Variants in CLIC4 observed in about 807,000 individuals in gnomAD.
CLIC4 encodes chloride intracellular channel protein 4.
A neutral mutation model predicts 24.6 loss-of-function variants in CLIC4; 13 were observed. That is an observed-to-expected ratio of 0.53 (90% confidence interval 0.34 to 0.84). CLIC4 has a LOEUF of 0.84. Ranked by LOEUF, CLIC4 falls within the 40% of genes least tolerant of loss-of-function variation. The pLI, the probability that CLIC4 is intolerant of heterozygous loss-of-function variation, is 0.01. For missense variants in CLIC4, 227 were observed against 301.7 expected (o/e 0.75, Z 1.83); for synonymous variants, 104 against 111.3 (o/e 0.93, Z 0.41).
intron 1 of CLIC4, among the ~76,000 whole-genome samples, chr1:24,756,915 G>A (rs1011939042): frequency 1.4e-5 from 2 of 146,640 alleles, no homozygotes; most frequent in African/African-American, 5.1e-5. Context: ...TTTTTTTTGA[G>A]ACGGAGTTTC....
chr1:24,779,145 T>TA, intron 1 of CLIC4, among the ~76,000 whole-genome samples: 1 of 152,132 alleles, frequency 6.6e-6, no homozygotes. Flanking sequence ...ATGCTTGTTA[T>TA]AAAAAGACAA....
At chr1:24,746,428 C>A (rs1009648638) in intron 1 of CLIC4, among the ~76,000 whole-genome samples, 3 of 152,182 alleles carry the variant, frequency 2.0e-5, no homozygotes, top group Non-Finnish European at 4.4e-5. Context: ...CTTCAGCTTT[C>A]ATGTGTGGAA....
intron 3 of CLIC4, among the ~76,000 whole-genome samples, chr1:24,818,272 A>G (rs1639690768): frequency 6.6e-6 from 1 of 151,898 alleles, no homozygotes; most frequent in South Asian, 2.1e-4. Context: ...AAGTTACTCA[A>G]TTTGGTTTTT....
At chr1:24,814,377 C>T (rs1441717362) in intron 3 of CLIC4, among the ~76,000 whole-genome samples, 158 bp downstream of exon 3, 2 of 152,196 alleles carry the variant, frequency 1.3e-5, no homozygotes, top group African/African-American at 2.4e-5. Context: ...GAATTGGCTT[C>T]CAGCTAGGCC....
intron 2 of CLIC4, among the ~76,000 whole-genome samples, chr1:24,801,318 A>G (rs1411343140): frequency 6.6e-6 from 1 of 152,184 alleles, no homozygotes; most frequent in African/African-American, 2.4e-5. Context: ...GAGACTTACA[A>G]GTATGATAGA....
chr1:24,760,309 T>C (rs1032589247), intron 1 of CLIC4, among the ~76,000 whole-genome samples: 3 of 151,904 alleles, frequency 2.0e-5, no homozygotes, highest in African/African-American at 7.3e-5. Flanking sequence ...GAGGTTGCAG[T>C]GAGCCTAGAT....
At chr1:24,751,360 C>T (rs921721144) in intron 1 of CLIC4, among the ~76,000 whole-genome samples, 2 of 152,022 alleles carry the variant, frequency 1.3e-5, no homozygotes, top group Non-Finnish European at 1.5e-5. Flanking sequence ...CAGGCACCCG[C>T]CACCATGGCC....
At chr1:24,746,602 C>G (rs772533055) in intron 1 of CLIC4, among the ~76,000 whole-genome samples, 39 of 152,296 alleles carry the variant, frequency 2.6e-4, no homozygotes, top group Middle Eastern at 3.4e-3. Flanking sequence ...AAAAGCCAGG[C>G]TCATTCAGAG....
At chr1:24,813,983 C>A in intron 2 of CLIC4, 111 bp from the exon 3 acceptor site, 1 of 1,252,232 alleles carries the variant, frequency 8.0e-7, no homozygotes, top group Non-Finnish European at 1.2e-6. Flanking sequence ...TCCTGTAGTG[C>A]TACGACTACA....
chr1:24,793,145 C>T (rs1339519958), intron 1 of CLIC4: 1 of 127,686 alleles, frequency 7.8e-6, no homozygotes, highest in African/African-American at 3.0e-5. Context: ...TCTTTGTGTA[C>T]CAAATTACTG....
intron 3 of CLIC4, among the ~76,000 whole-genome samples, chr1:24,824,161 C>G (rs1489972804): frequency 6.6e-6 from 1 of 152,186 alleles, no homozygotes; most frequent in Admixed American, 6.5e-5. Context: ...TTTGAACCTA[C>G]TGGTTTAGAA....
chr1:24,808,055 A>C (rs887272196), intron 2 of CLIC4, among the ~76,000 whole-genome samples: 1 of 151,948 alleles, frequency 6.6e-6, no homozygotes, highest in African/African-American at 2.4e-5. Context: ...GATTCAAGCA[A>C]TTCTCCTTCC....
chr1:24,785,265 T>G (rs1168910792), intron 1 of CLIC4, among the ~76,000 whole-genome samples: 1 of 152,152 alleles, frequency 6.6e-6, no homozygotes, highest in Admixed American at 6.6e-5. Context: ...GTTCTTTGCA[T>G]GGAACGTCTT....
In CLIC4 at chr1:24,784,679, G is replaced by A. The variant is rs563303028; in HGVS notation, c.73-13063G>A. 5.3e-5 allele frequency among the ~76,000 whole-genome samples: 8 copies of A among 152,154 alleles called. No homozygotes were observed. In the East Asian group the frequency reaches 1.2e-3, roughly 22 times the overall value. ...GCTGAGTAAGGAAATGGTAGCAACC[G>A]AAGTCTTTGCAGTATCCTCTGCTTA... On this transcript the variant is annotated intron_variant, in intron 1 of 5. Coordinates refer to ENST00000374379, the MANE Select transcript of CLIC4 (RefSeq NM_013943.3).
intron 1 of CLIC4, among the ~76,000 whole-genome samples, chr1:24,748,809 T>A (rs910015139): frequency 9.2e-5 from 14 of 151,646 alleles, no homozygotes; most frequent in African/African-American, 2.7e-4. Flanking sequence ...CCTAGACCAG[T>A]TTGTTTGAAA....
chr1:24,757,690 A>T (rs1043128305), intron 1 of CLIC4, among the ~76,000 whole-genome samples: 1 of 152,250 alleles, frequency 6.6e-6, no homozygotes, highest in Non-Finnish European at 1.5e-5. Flanking sequence ...TACACTTAAG[A>T]AATTAAATTT....
intron 2 of CLIC4, 151 bp from the exon 3 acceptor site, chr1:24,813,943 T>C (rs1353052180): frequency 1.2e-6 from 1 of 823,692 alleles, no homozygotes; most frequent in Non-Finnish European, 2.0e-6. Flanking sequence ...GGTCTCAAAC[T>C]CCTGGGCTAA....
intron 1 of CLIC4, among the ~76,000 whole-genome samples, chr1:24,764,363 G>A (rs1638965764): frequency 6.6e-6 from 1 of 151,652 alleles, no homozygotes. Context: ...GCCTCCCGAA[G>A]TGCTGGGATT....
chr1:24,768,533 GTCT>G (rs138032621), intron 1 of CLIC4, among the ~76,000 whole-genome samples: 2,401 of 152,078 alleles, frequency 0.016, 66 homozygotes, highest in African/African-American at 0.055. Flanking sequence ...TAAAAATGAA[GTCT>G]TCTAATTTTT....
Sources: allele counts gnomAD v4.1 joint callset (sites outside exome capture counted in the v4.1 genomes callset), GRCh38; gene constraint gnomAD v4.1.1; transcripts MANE v1.5; gene names NCBI Gene and HGNC (gene_info 2026-07-23, HGNC 2026-07-21).